The following CHLSN variants were observed in gnomAD, a reference collection of about 807,000 sequenced individuals.
The protein encoded by CHLSN is protein cholesin.
the CHLSN span, chr7:988,449 G>A: frequency 3.7e-6 from 6 of 1,610,858 alleles, no homozygotes; most frequent in Admixed American, 8.4e-5. Flanking sequence ...GGGTGGGGCG[G>A]CACCTCCAGG....
the CHLSN span, among the ~76,000 whole-genome samples, chr7:1,125,637 T>C: frequency 6.6e-6 from 1 of 152,216 alleles, no homozygotes; most frequent in Non-Finnish European, 1.5e-5. Context: ...TTGTTCCCAT[T>C]TACTCATCTA....
At chr7:1,136,661 G>T in the CHLSN span, among the ~76,000 whole-genome samples, 1 of 145,930 alleles carries the variant, frequency 6.9e-6, no homozygotes, top group Non-Finnish European at 1.5e-5. Context: ...TATAAACTGT[G>T]TATATATATA....
the CHLSN span, among the ~76,000 whole-genome samples, chr7:1,042,114 G>C: frequency 1.3e-5 from 2 of 152,052 alleles, no homozygotes; most frequent in African/African-American, 4.8e-5. Context: ...AGTGTGCGGG[G>C]CTGCAGAATC....
chr7:1,005,580 G>A, the CHLSN span, among the ~76,000 whole-genome samples: 1 of 152,242 alleles, frequency 6.6e-6, no homozygotes, highest in East Asian at 1.9e-4. Context: ...GGCCTGGGTA[G>A]GGAAGGACAC....
chr7:1,136,413 T>TATATATAAATATATATAAAC, the CHLSN span, among the ~76,000 whole-genome samples: 1 of 30,680 alleles, frequency 3.3e-5, no homozygotes, highest in African/African-American at 1.7e-4. Flanking sequence ...TATATAAACA[T>TATATATAAATATATATAAAC]ATATATAAAT....
At chr7:1,022,758 C>T in the CHLSN span, among the ~76,000 whole-genome samples, 1 of 152,182 alleles carries the variant, frequency 6.6e-6, no homozygotes, top group Non-Finnish European at 1.5e-5. Flanking sequence ...CCCCAACCGT[C>T]CTCCCTCCCC....
the CHLSN span, among the ~76,000 whole-genome samples, chr7:1,078,620 GCT>G: frequency 6.6e-6 from 1 of 152,202 alleles, no homozygotes; most frequent in Non-Finnish European, 1.5e-5. Context: ...CCACCAAGAT[GCT>G]CACGACAGGG....
the CHLSN span, among the ~76,000 whole-genome samples, chr7:1,112,705 TAAAAAAA>T: frequency 4.0e-5 from 4 of 99,132 alleles, no homozygotes; most frequent in African/African-American, 1.4e-4. Context: ...TCCAAATGGC[TAAAAAAA>T]AAAAAAAAAA....
chr7:1,038,265 G>GC, the CHLSN span, among the ~76,000 whole-genome samples: 1 of 93,652 alleles, frequency 1.1e-5, no homozygotes, highest in African/African-American at 3.8e-5. Flanking sequence ...GGGGGGGTCA[G>GC]CCCCCCACCT....
At chr7:1,098,909 C>T in the CHLSN span, among the ~76,000 whole-genome samples, 2 of 152,216 alleles carry the variant, frequency 1.3e-5, no homozygotes, top group East Asian at 1.9e-4. Context: ...TAGATTGTGG[C>T]GATGGCTGCA....
chr7:1,013,990 C>G, the CHLSN span, among the ~76,000 whole-genome samples: 2 of 152,238 alleles, frequency 1.3e-5, no homozygotes, highest in African/African-American at 4.8e-5. Flanking sequence ...TAAACTGCGA[C>G]CCCGAGGACT....
At chr7:1,105,650 T>C in the CHLSN span, among the ~76,000 whole-genome samples, 1 of 151,562 alleles carries the variant, frequency 6.6e-6, no homozygotes, top group African/African-American at 2.5e-5. Flanking sequence ...AGTCTCACTC[T>C]GTCGCCCAGG....
chr7:1,048,902 G>A, the CHLSN span, among the ~76,000 whole-genome samples: 1 of 152,262 alleles, frequency 6.6e-6, no homozygotes, highest in Non-Finnish European at 1.5e-5. Context: ...GGCCAGGGAA[G>A]CAAGTGTTTA....
the CHLSN span, among the ~76,000 whole-genome samples, chr7:1,023,541 A>G: frequency 6.6e-6 from 1 of 150,650 alleles, no homozygotes; most frequent in Non-Finnish European, 1.5e-5. This position sits in a 1 kb window ranked among gnomAD's most constrained non-coding sequence, Gnocchi z 5.0. Flanking sequence ...GCCCTACTCC[A>G]CATTTCTCTC....
At chr7:1,002,220 TGCGGGTGA>T in the CHLSN span, among the ~76,000 whole-genome samples, 1 of 63,060 alleles carries the variant, frequency 1.6e-5, no homozygotes. Context: ...AGTGGAGTCC[TGCGGGTGA>T]GTGGAGTCCT....
chr7:1,004,340 C>T, the CHLSN span, among the ~76,000 whole-genome samples: 1 of 152,134 alleles, frequency 6.6e-6, no homozygotes, highest in Non-Finnish European at 1.5e-5. Context: ...TGCTGCTTTC[C>T]ACCAGCCTGT....
At chr7:1,057,367 G>C in the CHLSN span, 8 of 594,456 alleles carry the variant, frequency 1.3e-5, no homozygotes, top group Admixed American at 3.0e-5. Flanking sequence ...TGCACCAAAG[G>C]CAGCCTCGCT....
the CHLSN span, among the ~76,000 whole-genome samples, chr7:1,021,805 C>A: frequency 2.0e-5 from 3 of 152,244 alleles, no homozygotes; most frequent in Non-Finnish European, 4.4e-5. Flanking sequence ...ACCCGCCCAG[C>A]GAGAACTGTG....
At chr7:1,043,017 C>T in the CHLSN span, among the ~76,000 whole-genome samples, 1 of 151,714 alleles carries the variant, frequency 6.6e-6, no homozygotes, top group Non-Finnish European at 1.5e-5. Flanking sequence ...TTTGGGAAGC[C>T]CAGGCAGGCG....
Sources: gnomAD v4.1 joint callset for allele counts (sites outside exome capture counted in the v4.1 genomes callset) on GRCh38, gnomAD v4.1.1 for gene constraint, Gnocchi (gnomAD v3.1) non-coding constraint, MANE v1.5 for transcripts, NCBI Gene and HGNC (gene_info 2026-07-23, HGNC 2026-07-21) for gene names.